The following COL4A1 variants were observed in gnomAD, a reference collection of about 807,000 sequenced individuals.
The protein encoded by COL4A1 is collagen alpha-1(IV) chain.
COL4A1 carries 40 observed loss-of-function variants against 216.6 expected under a neutral mutation model. The observed-to-expected ratio is 0.18, with a 90% CI of 0.14 to 0.24. COL4A1 has a LOEUF of 0.24. Among genes scored for constraint, COL4A1 ranks in the 10% least tolerant of loss-of-function variants. The pLI is 1.00. For missense variants in COL4A1, 1,628 were observed against 2,196.8 expected, an observed-to-expected ratio of 0.74 and a Z score of 5.18; for synonymous variants, 839 against 810.7, an observed-to-expected ratio of 1.03 and a Z score of -0.59.
intron 2 of COL4A1, among the ~76,000 whole-genome samples, chr13:110,217,960 A>G (rs1880171930): frequency 6.6e-6 from 1 of 152,224 alleles, no homozygotes; most frequent in South Asian, 2.1e-4. Context: ...TCATTTTATA[A>G]TACCCAATTA....
intron 1 of COL4A1, among the ~76,000 whole-genome samples, chr13:110,274,101 C>T (rs962435369): frequency 5.1e-4 from 77 of 152,094 alleles, no homozygotes; most frequent in Admixed American, 2.0e-3. Flanking sequence ...ATAAAATGTG[C>T]TAAGTACTAG....
At position 110,181,280 on chromosome 13, in the gene COL4A1, C is replaced by A; in HGVS notation, c.2193+12G>T. On this transcript the variant is annotated intron_variant, in intron 29 of 51. Coordinates refer to ENST00000375820, the MANE Select transcript of COL4A1 (RefSeq NM_001845.6). ...GGGGAGAAGGGTCATGGAGGGAATG[C>A]TTGGCACTCACCTTCTGGCCCTGCA... 1 of 1,613,212 alleles carries A rather than the reference C, an allele frequency of 6.2e-7. No homozygotes were observed. The highest frequency in any genetic ancestry group is 8.5e-7 in the Non-Finnish European group (1 of 1,179,280).
At position 110,240,697 on chromosome 13, in the gene COL4A1, A is replaced by G. The variant is rs900498928; in HGVS notation, c.144+1978T>C. On this transcript the variant is annotated intron_variant, in intron 2 of 51. Coordinates refer to ENST00000375820, the MANE Select transcript of COL4A1 (RefSeq NM_001845.6). Reference sequence around the variant, plus strand: ...TCCCCTGCCTTCCCCACACATGTGTAGCCCACTCGGAGTGGAAGCGGCTTG... The same window carrying G: ...TCCCCTGCCTTCCCCACACATGTGTGGCCCACTCGGAGTGGAAGCGGCTTG... Among the ~76,000 whole-genome samples the G allele has an allele frequency of 3.9e-5, 6 of 152,232 alleles. 1 individual carries two copies. Among genetic ancestry groups the G allele is most frequent in the Non-Finnish European group, 1.5e-5 (1 of 68,022 alleles).
At chr13:110,296,652 T>C (rs1387458862) in intron 1 of COL4A1, among the ~76,000 whole-genome samples, 1 of 152,142 alleles carries the variant, frequency 6.6e-6, no homozygotes, top group Admixed American at 6.5e-5. Flanking sequence ...TTAATTCCAC[T>C]CAATTCTGAT....
intron 1 of COL4A1, among the ~76,000 whole-genome samples, chr13:110,253,652 T>C (rs1308790855): frequency 2.1e-5 from 3 of 145,826 alleles, no homozygotes; most frequent in Non-Finnish European, 4.5e-5. Flanking sequence ...GTATTACATA[T>C]ACGTATAATT....
At chr13:110,213,690 G>A (rs1879929777) in intron 4 of COL4A1, 92 bp downstream of exon 4, 1 of 1,304,944 alleles carries the variant, frequency 7.7e-7, no homozygotes. Context: ...GGAGGACGAG[G>A]GCAAGGAGAA....
chr13:110,249,048 G>A (rs1881962519), intron 1 of COL4A1, among the ~76,000 whole-genome samples: 1 of 152,028 alleles, frequency 6.6e-6, no homozygotes, highest in African/African-American at 2.4e-5. Flanking sequence ...GACCCCCAGG[G>A]CCCAAGAATG....
intron 22 of COL4A1, 111 bp downstream of exon 22, chr13:110,194,912 C>T: frequency 2.5e-6 from 2 of 810,484 alleles, no homozygotes; most frequent in Non-Finnish European, 4.3e-6. Context: ...ATAAAAGGAA[C>T]CTACGCCCTA....
chr13:110,167,537 T>A (rs1351286189), intron 43 of COL4A1, among the ~76,000 whole-genome samples: 1 of 152,148 alleles, frequency 6.6e-6, no homozygotes, highest in Non-Finnish European at 1.5e-5. Context: ...CACAGCACGA[T>A]GCCATAGACA....
chr13:110,186,578 A>G (rs1878417284), intron 25 of COL4A1, 25 bp from the exon 26 acceptor site: 3 of 1,613,438 alleles, frequency 1.9e-6, no homozygotes, highest in Non-Finnish European at 2.5e-6. Context: ...AGAAAAAGAC[A>G]CCGTTATCAG....
intron 43 of COL4A1, among the ~76,000 whole-genome samples, chr13:110,167,834 TG>T (rs527683505): frequency 1.2e-3 from 185 of 152,272 alleles, no homozygotes; most frequent in African/African-American, 4.2e-3. Context: ...GACAGCAACA[TG>T]TAACAAGTTG....
At chr13:110,218,677 A>AC (rs1419925338) in intron 2 of COL4A1, among the ~76,000 whole-genome samples, 2 of 151,984 alleles carry the variant, frequency 1.3e-5, no homozygotes, top group East Asian at 3.9e-4. Flanking sequence ...GCAGGACAGG[A>AC]CCCCCGTCGC....
intron 2 of COL4A1, among the ~76,000 whole-genome samples, chr13:110,229,580 C>T (rs1216512432): frequency 6.6e-6 from 1 of 152,166 alleles, no homozygotes; most frequent in African/African-American, 2.4e-5. Flanking sequence ...GAAATTCTAA[C>T]CCCCAAGGTG....
intron 49 of COL4A1, among the ~76,000 whole-genome samples, chr13:110,160,101 AATGTT>A (rs1876998392): frequency 6.6e-6 from 1 of 152,318 alleles, no homozygotes; most frequent in African/African-American, 2.4e-5. Flanking sequence ...TAAGATGGTA[AATGTT>A]ATGTTATGTC....
rs749769055 is a variant in COL4A1 at position 110,211,717 on chromosome 13, A to C, written c.442-44T>G. Reference sequence around the variant, plus strand: ...GTGTTAGTTTTGTTTTTCTCAAAATATCATTAGCATTAAAATTGTTATCAT... The same window carrying C: ...GTGTTAGTTTTGTTTTTCTCAAAATCTCATTAGCATTAAAATTGTTATCAT... On this transcript the variant is annotated intron_variant, in intron 7 of 51. Coordinates refer to ENST00000375820, the MANE Select transcript of COL4A1 (RefSeq NM_001845.6). This position sits in a 1 kb window ranked among gnomAD's most constrained non-coding sequence, Gnocchi z 4.3. The C allele has an allele frequency of 6.3e-7, 1 of 1,580,230 alleles. No homozygotes were observed. The highest frequency in any genetic ancestry group is 1.1e-5 in the South Asian group (1 of 87,572).
chr13:110,302,304 A>AT (rs1257173868), intron 1 of COL4A1, among the ~76,000 whole-genome samples: 1 of 152,226 alleles, frequency 6.6e-6, no homozygotes. Context: ...AGTCCTGAAC[A>AT]TATTTGCTCA....
chr13:110,192,769 G>T, intron 23 of COL4A1, 61 bp downstream of exon 23: 1 of 1,448,342 alleles, frequency 6.9e-7, no homozygotes, highest in Non-Finnish European at 9.7e-7. Flanking sequence ...CCCTTTCACA[G>T]GAAAGATGCC....
intron 49 of COL4A1, among the ~76,000 whole-genome samples, chr13:110,159,685 G>C (rs1594533899): frequency 1.3e-5 from 2 of 152,178 alleles, no homozygotes; most frequent in South Asian, 2.1e-4. Flanking sequence ...CAATAGCTGA[G>C]GTGTGGACAA....
intron 1 of COL4A1, among the ~76,000 whole-genome samples, chr13:110,303,378 G>T (rs1389376673): frequency 6.6e-6 from 1 of 151,488 alleles, no homozygotes; most frequent in East Asian, 2.0e-4. Context: ...TTTAACACTG[G>T]TCTCCTAAAC....
Sources: gnomAD v4.1 joint callset for allele counts (sites outside exome capture counted in the v4.1 genomes callset) on GRCh38, gnomAD v4.1.1 for gene constraint, Gnocchi (gnomAD v3.1) non-coding constraint, MANE v1.5 for transcripts, NCBI Gene and HGNC (gene_info 2026-07-23, HGNC 2026-07-21) for gene names.